The following ANO10 variants were observed in gnomAD, a reference collection of about 807,000 sequenced individuals.
The protein encoded by ANO10 is anoctamin 10.
A neutral mutation model predicts 74.7 loss-of-function variants in ANO10; 77 were observed. That is an observed-to-expected ratio of 1.03 (90% CI 0.86 to 1.25). The LOEUF is 1.25. Among genes scored for constraint, ANO10 ranks in the 50% most tolerant of loss-of-function variants. The pLI is 0.00. For synonymous variants in ANO10, 279 were observed against 284.9 expected, an observed-to-expected ratio of 0.98 and a Z score of 0.21; for missense variants, 721 against 778.1, an observed-to-expected ratio of 0.93 and a Z score of 0.87.
chr3:43,455,050 G>A (rs1054952375), intron 11 of ANO10, among the ~76,000 whole-genome samples: 3 of 152,084 alleles, frequency 2.0e-5, no homozygotes, highest in African/African-American at 4.8e-5. Flanking sequence ...CGCAGATGTG[G>A]GCCATCTGCA....
chr3:43,557,353 C>T (rs1056173463), intron 9 of ANO10, among the ~76,000 whole-genome samples: 8 of 152,072 alleles, frequency 5.3e-5, no homozygotes, highest in African/African-American at 9.7e-5. Flanking sequence ...CCTTGAAAAA[C>T]GGCAAGGAGG....
At chr3:43,498,841 T>C (rs1559617012) in intron 11 of ANO10, among the ~76,000 whole-genome samples, 2 of 152,222 alleles carry the variant, frequency 1.3e-5, no homozygotes, top group Non-Finnish European at 2.9e-5. Context: ...TAACATTTCT[T>C]GTACTCAGTG....
At chr3:43,398,822 T>C (rs1365555220) in intron 12 of ANO10, among the ~76,000 whole-genome samples, 17 of 152,258 alleles carry the variant, frequency 1.1e-4, no homozygotes, top group African/African-American at 3.6e-4. Context: ...ATGGGGATAA[T>C]AGTATCTATC....
At chr3:43,565,793 T>C (rs1392652655) in intron 7 of ANO10, 66 bp from the exon 8 acceptor site, 1 of 1,488,268 alleles carries the variant, frequency 6.7e-7, no homozygotes, top group East Asian at 2.5e-5. Flanking sequence ...ACTACAACTG[T>C]AATGCAGCAT....
intron 1 of ANO10, among the ~76,000 whole-genome samples, chr3:43,668,281 GT>G (rs534255096): frequency 5.4e-5 from 8 of 147,276 alleles, no homozygotes; most frequent in Non-Finnish European, 7.5e-5. Flanking sequence ...TTATGGGATT[GT>G]TTTTTTTTTC....
At chr3:43,471,213 C>G (rs2075844718) in intron 11 of ANO10, among the ~76,000 whole-genome samples, 1 of 152,116 alleles carries the variant, frequency 6.6e-6, no homozygotes, top group Admixed American at 6.6e-5. Flanking sequence ...AAACACTCAA[C>G]CCCAGTTTTA....
intron 1 of ANO10, chr3:43,652,942 C>G (rs2083805083): frequency 6.6e-6 from 1 of 151,912 alleles, no homozygotes; most frequent in Admixed American, 6.6e-5. Flanking sequence ...TGTGGTGGCT[C>G]ATACCTGTAA....
At chr3:43,649,361 T>C (rs1264762356) in intron 1 of ANO10, among the ~76,000 whole-genome samples, 2 of 152,354 alleles carry the variant, frequency 1.3e-5, no homozygotes, top group South Asian at 2.1e-4. Context: ...CTTAAAAACA[T>C]TAAATAACAT....
At chr3:43,643,306 C>T (rs1054326991) in intron 1 of ANO10, among the ~76,000 whole-genome samples, 4 of 151,796 alleles carry the variant, frequency 2.6e-5, no homozygotes, top group East Asian at 1.9e-4. Flanking sequence ...GCTGGGATTA[C>T]AGGGTTGAGC....
At chr3:43,480,680 A>C (rs2076232685) in intron 11 of ANO10, among the ~76,000 whole-genome samples, 1 of 152,196 alleles carries the variant, frequency 6.6e-6, no homozygotes. Context: ...TTGGGAAGTG[A>C]GGACAGAAAC....
At chr3:43,402,042 G>A (rs17473118) in intron 12 of ANO10, among the ~76,000 whole-genome samples, 14,626 of 152,306 alleles carry the variant, frequency 0.096, 947 homozygotes, top group Non-Finnish European at 0.14. Flanking sequence ...AACATCCCCA[G>A]TGGGCTCTTC....
chr3:43,486,218 G>T (rs2076482515), intron 11 of ANO10, among the ~76,000 whole-genome samples: 1 of 152,192 alleles, frequency 6.6e-6, no homozygotes. Context: ...GAGGCTTCAT[G>T]TACATAACAA....
At chr3:43,496,801 C>T (rs72865025) in intron 11 of ANO10, among the ~76,000 whole-genome samples, 20,975 of 152,016 alleles carry the variant, frequency 0.14, 1,781 homozygotes, top group African/African-American at 0.23. Flanking sequence ...CCACAGCACC[C>T]AACTAAACCA....
chr3:43,574,231 C>T (rs964266359), intron 7 of ANO10, among the ~76,000 whole-genome samples: 9 of 150,220 alleles, frequency 6.0e-5, no homozygotes, highest in Admixed American at 4.0e-4. Context: ...GCTGGGATTA[C>T]AGGCATGTGC....
At position 43,366,984 on chromosome 3, in the gene ANO10, G is replaced by T. The variant is rs1171231650; in HGVS notation, c.1915-10C>A. 6.3e-7 allele frequency: 1 copy of T among 1,593,702 alleles called. No individual in the cohort carries two copies. Among genetic ancestry groups the T allele is most frequent in the East Asian group, 2.2e-5 (1 of 44,458 alleles). ...TCACGAGCTTCATTTGCTGTTAAGA[G>T]AAAACAGGACACCAGGTGAGCCACA... is the stretch of plus-strand genomic sequence containing the variant. On this transcript the variant is annotated splice_polypyrimidine_tract_variant and intron_variant, in intron 12 of 12. Transcript: ENST00000292246.
chr3:43,440,012 G>A (rs2093136007), intron 11 of ANO10, among the ~76,000 whole-genome samples: 1 of 151,626 alleles, frequency 6.6e-6, no homozygotes, highest in African/African-American at 2.4e-5. Flanking sequence ...TAATCCCCAT[G>A]ATAACTACAA....
At chr3:43,546,493 T>C (rs1456087851) in intron 11 of ANO10, among the ~76,000 whole-genome samples, 1 of 152,136 alleles carries the variant, frequency 6.6e-6, no homozygotes, top group Non-Finnish European at 1.5e-5. Flanking sequence ...TCAAATGATT[T>C]TCAACAAGGG....
chr3:43,597,269 C>A (rs1388329311), intron 4 of ANO10, among the ~76,000 whole-genome samples: 1 of 152,148 alleles, frequency 6.6e-6, no homozygotes, highest in Non-Finnish European at 1.5e-5. Flanking sequence ...TAGGTATATA[C>A]CCGAAGGATT....
chr3:43,477,449 A>AT lies in ANO10; in HGVS notation c.1798-44723dup, dbSNP rs564848485. ...AAATGAAGCAAGACGTACTCCATCTATTACCTTCCATTTCATTTTATTAAG... is the reference window on the plus strand; with the variant it reads ...AAATGAAGCAAGACGTACTCCATCTATTTACCTTCCATTTCATTTTATTAAG... On this transcript the variant is annotated intron_variant, in intron 11 of 12. Coordinates refer to ENST00000292246, the MANE Select transcript of ANO10 (RefSeq NM_018075.5). Among the ~76,000 whole-genome samples, 64 of 152,322 alleles carry AT rather than the reference A, an allele frequency of 4.2e-4. 3 individuals carry two copies. In the East Asian group the frequency reaches 0.012, roughly 28 times the overall value.
Sources: gnomAD v4.1 joint callset for allele counts (sites outside exome capture counted in the v4.1 genomes callset) on GRCh38, gnomAD v4.1.1 for gene constraint, MANE v1.5 for transcripts, NCBI Gene and HGNC (gene_info 2026-07-23, HGNC 2026-07-21) for gene names.